The following ISLR2 variants were observed in gnomAD, a reference collection of about 807,000 sequenced individuals.
ISLR2 encodes the protein immunoglobulin superfamily containing leucine rich repeat 2, also known as immunoglobulin superfamily containing leucine-rich repeat protein 2.
In ISLR2, 16 loss-of-function variants were observed where a neutral mutation model predicts 25.5. That is an observed-to-expected ratio of 0.63 (90% confidence interval 0.43 to 0.95). The LOEUF is 0.95. Among genes scored for constraint, ISLR2 ranks in the 40% least tolerant of loss-of-function variants. The probability of loss-of-function intolerance (pLI) is 0.00; values close to 1 mark genes in which losing one functional copy is unlikely to be tolerated. For missense variants in ISLR2, 883 were observed against 1,030.7 expected (o/e 0.86, Z 1.96); for synonymous variants, 508 against 486.6 (o/e 1.04, Z -0.58).
intron 2 of ISLR2, among the ~76,000 whole-genome samples, chr15:74,108,820 T>C (rs1230278864): frequency 2.6e-5 from 4 of 152,138 alleles, no homozygotes; most frequent in Non-Finnish European, 5.9e-5. Flanking sequence ...GGATGCAATG[T>C]AGGGCCTCGC....
upstream of ISLR2, among the ~76,000 whole-genome samples, chr15:74,123,245 G>T (rs1297966253): frequency 6.6e-6 from 1 of 152,018 alleles, no homozygotes; most frequent in African/African-American, 2.4e-5. Flanking sequence ...GCGGGAGGCG[G>T]GTTGCAGTGT....
In ISLR2 at chr15:74,132,674, C is replaced by T. The variant is rs2072448589; in HGVS notation, c.-8-73C>T. 2 of 1,519,038 alleles carry T rather than the reference C, an allele frequency of 1.3e-6. No homozygotes were observed. Among genetic ancestry groups the T allele is most frequent in the African/African-American group, 1.4e-5 (1 of 72,848 alleles). 94.1% of individuals were successfully genotyped at this position (1,519,038 alleles called of 1,614,324 possible). On this transcript the variant is annotated intron_variant, in intron 2 of 2. Coordinates refer to ENST00000453268, the MANE Select transcript of ISLR2 (RefSeq NM_020851.3). The surrounding 1 kb of genome is among the most constrained non-coding windows in gnomAD (Gnocchi z 4.3). ...AGTGCTAAACGGGCTTGCGGAGGCA[C>T]AGCTTGATAGGGGAGGTAAGCTGGG...
At chr15:74,112,042 T>C (rs1303076774) in intron 2 of ISLR2, among the ~76,000 whole-genome samples, 1 of 152,238 alleles carries the variant, frequency 6.6e-6, no homozygotes, top group African/African-American at 2.4e-5. Flanking sequence ...CTCTGTACCA[T>C]CTTTGAAATT....
intron 2 of ISLR2, among the ~76,000 whole-genome samples, chr15:74,111,667 G>T: frequency 6.6e-6 from 1 of 151,404 alleles, no homozygotes; most frequent in South Asian, 2.1e-4. Context: ...CACCTCCCAG[G>T]TTCATGTGAT....
upstream of ISLR2, among the ~76,000 whole-genome samples, chr15:74,125,649 G>A (rs1204005692): frequency 6.6e-6 from 1 of 152,250 alleles, no homozygotes; most frequent in Non-Finnish European, 1.5e-5. Context: ...TGGAAGAGCT[G>A]CTGTTAATTT....
At chr15:74,112,828 C>CT (rs35655801) in intron 2 of ISLR2, among the ~76,000 whole-genome samples, 56,160 of 130,452 alleles carry the variant, frequency 0.43, 13,748 homozygotes, top group Non-Finnish European at 0.55. Flanking sequence ...GTGCCCGGCC[C>CT]TTTTTTTTTT....
At chr15:74,102,095 C>T (rs2072084910) in intron 1 of ISLR2, among the ~76,000 whole-genome samples, 1 of 148,206 alleles carries the variant, frequency 6.7e-6, no homozygotes, top group African/African-American at 2.5e-5. Context: ...TGCTGGGTGC[C>T]TGTAATCCCA....
In ISLR2 at chr15:74,136,109, C is replaced by T. The variant is rs1177467055; in HGVS notation, c.*1117C>T. 1 of 166,678 alleles carries T rather than the reference C, an allele frequency of 6.0e-6. No homozygotes were observed. The highest frequency in any genetic ancestry group is 1.5e-5 in the Non-Finnish European group (1 of 68,164). 10.3% of individuals were successfully genotyped at this position (166,678 alleles called of 1,614,324 possible). On this transcript the variant is annotated 3_prime_UTR_variant, in exon 3 of 3. Transcript: ENST00000453268. ...GGAGGGAATGCGTTTTCTGTCGTCT[C>T]TCTCCTAACTTAAAGCGCCGCAGGA...
chr15:74,100,929 T>A (rs549654621), intron 1 of ISLR2, among the ~76,000 whole-genome samples: 4 of 145,640 alleles, frequency 2.7e-5, no homozygotes, highest in Non-Finnish European at 4.5e-5. Flanking sequence ...GGTAGTCTGA[T>A]TACTGGTAGC....
upstream of ISLR2, among the ~76,000 whole-genome samples, chr15:74,123,741 A>G (rs546553074): frequency 4.0e-4 from 61 of 152,232 alleles, no homozygotes; most frequent in Non-Finnish European, 3.5e-4. Flanking sequence ...GTTCATAAAC[A>G]TCTCCTGTTC....
chr15:74,128,952 C>T (rs2072345229), upstream of ISLR2: 1 of 455,292 alleles, frequency 2.2e-6, no homozygotes, highest in Non-Finnish European at 4.4e-6. Context: ...GCCTAGAAAC[C>T]TCAGGGACTC....
upstream of ISLR2, chr15:74,128,686 C>T (rs765561223): frequency 2.2e-6 from 1 of 455,814 alleles, no homozygotes. Context: ...CCTTGAGCCT[C>T]CCCGCCTGGC....
Position 74,136,427 on chromosome 15 carries a change from G to C in ISLR2, c.*1435G>C. Reference sequence around the variant, plus strand: ...CCTCCGTCCTCGCGTCTCGGTCCTCGCGTCGCCCCGCCCCACCCGCCCCTG... The same window carrying C: ...CCTCCGTCCTCGCGTCTCGGTCCTCCCGTCGCCCCGCCCCACCCGCCCCTG... On this transcript the variant is annotated 3_prime_UTR_variant, in exon 3 of 3. Transcript: ENST00000453268. 3 of 165,598 alleles carry C rather than the reference G, an allele frequency of 1.8e-5. No homozygotes were observed. The allele number at this position is 165,598 out of a possible 1,614,324, so 10.3% of individuals were successfully genotyped here. A position where few individuals can be genotyped will look rare whatever the true frequency, so the allele number is the denominator to read the frequency against.
intron 2 of ISLR2, among the ~76,000 whole-genome samples, chr15:74,104,306 C>T (rs1473706269): frequency 3.3e-5 from 5 of 152,070 alleles, no homozygotes; most frequent in Admixed American, 2.6e-4. Flanking sequence ...TCCTGCGAGG[C>T]GCAAACAGCT....
chr15:74,128,297 C>A (rs1480531234), upstream of ISLR2: 2 of 393,204 alleles, frequency 5.1e-6, no homozygotes, highest in Non-Finnish European at 9.7e-6. Context: ...TCTCCAGGGT[C>A]GAAGGCAGGG....
chr15:74,128,546 G>A (rs1292130890), upstream of ISLR2: 3 of 456,644 alleles, frequency 6.6e-6, no homozygotes, highest in South Asian at 3.1e-5. Flanking sequence ...GTTGCTTATA[G>A]GACGGGTTCC....
upstream of ISLR2, among the ~76,000 whole-genome samples, chr15:74,124,636 G>A (rs1474313127): frequency 6.6e-6 from 1 of 152,254 alleles, no homozygotes; most frequent in East Asian, 1.9e-4. Flanking sequence ...GCACGCACCT[G>A]TAATCCAAGC....
At position 74,133,441 on chromosome 15, in the gene ISLR2, C is replaced by G. The variant is rs1244692980; in HGVS notation, c.687C>G (p.Pro229=). The change falls in exon 3 of 3, where the codon CCC becomes CCG. Residue 229 remains proline, a synonymous_variant. Transcript: ENST00000453268. ...CGGTGTACCGCCTGCCCGCCCTGCC[C>G]TGTGCACCGCCCAGCGTGCATCTGA... ...GVPVYRLPAL[P]CAPPSVHLSA... 1 of 1,610,124 alleles carries G rather than the reference C, an allele frequency of 6.2e-7. No homozygotes were observed. Among genetic ancestry groups the G allele is most frequent in the Non-Finnish European group, 8.5e-7 (1 of 1,179,650 alleles).
downstream of ISLR2, among the ~76,000 whole-genome samples, chr15:74,139,770 C>T (rs1213989713): frequency 6.6e-6 from 1 of 151,894 alleles, no homozygotes; most frequent in Non-Finnish European, 1.5e-5. Flanking sequence ...TTCCTGTATG[C>T]TTCATGTGCT....
Sources: gnomAD v4.1 joint callset for allele counts (sites outside exome capture counted in the v4.1 genomes callset) on GRCh38, gnomAD v4.1.1 for gene constraint, Gnocchi (gnomAD v3.1) non-coding constraint, MANE v1.5 for transcripts, NCBI Gene and HGNC (gene_info 2026-07-23, HGNC 2026-07-21) for gene names.